ABCC1: variants seen among roughly 807,000 people sequenced by gnomAD.
The protein encoded by ABCC1 is multidrug resistance-associated protein 1.
In ABCC1, 83 loss-of-function variants were observed where a neutral mutation model predicts 172.9. That is an observed-to-expected ratio of 0.48 (90% CI 0.40 to 0.58). The LOEUF (loss-of-function observed/expected upper bound fraction) is 0.58, where lower values mean the gene tolerates loss of function less well. ABCC1 is among the 20% of genes least tolerant of loss of function. ABCC1 has a pLI of 0.00. For missense variants in ABCC1, 1,817 were observed against 2,002.7 expected, an observed-to-expected ratio of 0.91 and a Z score of 1.77; for synonymous variants, 937 against 825.2, an observed-to-expected ratio of 1.14 and a Z score of -2.32.
intron 1 of ABCC1, among the ~76,000 whole-genome samples, chr16:15,978,945 G>A (rs1366773009): frequency 6.6e-6 from 1 of 152,028 alleles, no homozygotes; most frequent in African/African-American, 2.4e-5. Context: ...AGAAACCCTG[G>A]GCTTATTAAG....
At chr16:16,125,030 G>A (rs1391572339) in intron 25 of ABCC1, 115 bp downstream of exon 25, 18 of 1,463,248 alleles carry the variant, frequency 1.2e-5, no homozygotes, top group Non-Finnish European at 1.5e-5. Context: ...TGAGAGGTAC[G>A]GAGTTTGAGG....
chr16:15,952,716 TAAAAAAAAAAAAA>T (rs57105111), intron 1 of ABCC1, among the ~76,000 whole-genome samples: 2 of 40,288 alleles, frequency 5.0e-5, no homozygotes. Context: ...GTGAGTTCAT[TAAAAAAAAAAAAA>T]AAAAAAAAAA....
At chr16:16,032,197 G>T (rs1220037933) in intron 5 of ABCC1, among the ~76,000 whole-genome samples, 1 of 152,090 alleles carries the variant, frequency 6.6e-6, no homozygotes, top group Non-Finnish European at 1.5e-5. Context: ...CACCATGTTG[G>T]CTAGGATGGT....
intron 11 of ABCC1, 62 bp downstream of exon 11, chr16:16,052,878 A>C: frequency 6.6e-7 from 1 of 1,516,660 alleles, no homozygotes; most frequent in Non-Finnish European, 9.1e-7. Context: ...CTCCATGAGG[A>C]TTTTAGTCCA....
chr16:16,014,349 G>A, intron 3 of ABCC1, 142 bp from the exon 4 acceptor site: 1 of 939,372 alleles, frequency 1.1e-6, no homozygotes, highest in Non-Finnish European at 1.5e-6. Flanking sequence ...GGGAAGCTGA[G>A]GCAGGAGAAT....
intron 29 of ABCC1, 97 bp from the exon 30 acceptor site, chr16:16,138,267 A>T: frequency 2.6e-6 from 3 of 1,174,026 alleles, no homozygotes; most frequent in South Asian, 3.1e-5. Flanking sequence ...CAAGCAACAT[A>T]GAGTGTCTCC....
chr16:16,053,175 G>A (rs1424559716), intron 11 of ABCC1, among the ~76,000 whole-genome samples: 1 of 152,166 alleles, frequency 6.6e-6, no homozygotes, highest in Non-Finnish European at 1.5e-5. Flanking sequence ...TGTTTATTAT[G>A]TGTATGTGTG....
intron 20 of ABCC1, among the ~76,000 whole-genome samples, chr16:16,105,962 T>C (rs1254226509): frequency 6.6e-6 from 1 of 151,516 alleles, no homozygotes; most frequent in Admixed American, 6.6e-5. Flanking sequence ...CTGCAATTTC[T>C]GCCTCTGGGA....
chr16:16,113,173 T>TCCCTC (rs2044696348), intron 22 of ABCC1, among the ~76,000 whole-genome samples: 2 of 151,936 alleles, frequency 1.3e-5, no homozygotes, highest in Non-Finnish European at 2.9e-5. Flanking sequence ...AGTCTCTCAA[T>TCCCTC]CCCTCCCCTC....
intron 1 of ABCC1, among the ~76,000 whole-genome samples, chr16:15,950,338 T>G (rs1489522786): frequency 6.6e-6 from 1 of 151,770 alleles, no homozygotes; most frequent in East Asian, 1.9e-4. Flanking sequence ...CCTAGCTTTG[T>G]TTTTTTTGTT....
At chr16:15,983,390 A>G (rs959231786) in intron 1 of ABCC1, among the ~76,000 whole-genome samples, 1 of 152,030 alleles carries the variant, frequency 6.6e-6, no homozygotes, top group Non-Finnish European at 1.5e-5. Context: ...GCGCAGTGTG[A>G]AGGGACTGGG....
chr16:15,980,673 A>G (rs980306197), intron 1 of ABCC1, among the ~76,000 whole-genome samples: 3 of 152,166 alleles, frequency 2.0e-5, no homozygotes, highest in Admixed American at 6.5e-5. Context: ...AATTCAAGAT[A>G]AGATTTGGGT....
At chr16:16,110,476 G>A (rs1342295627) in intron 21 of ABCC1, among the ~76,000 whole-genome samples, 1 of 151,716 alleles carries the variant, frequency 6.6e-6, no homozygotes, top group Admixed American at 6.6e-5. Context: ...TGTAACCTCC[G>A]CCTACTGGGT....
At chr16:16,011,155 C>T (rs1240331877) in intron 3 of ABCC1, among the ~76,000 whole-genome samples, 2 of 152,062 alleles carry the variant, frequency 1.3e-5, no homozygotes, top group Non-Finnish European at 2.9e-5. Context: ...ATTGCTTGAA[C>T]CCGGGAAGTG....
intron 5 of ABCC1, among the ~76,000 whole-genome samples, chr16:16,028,871 C>G (rs2048465529): frequency 6.6e-6 from 1 of 152,126 alleles, no homozygotes. Context: ...GAACCCAGGT[C>G]TGTCCGGGTC....
intron 16 of ABCC1, among the ~76,000 whole-genome samples, chr16:16,080,749 A>G (rs537944872): frequency 6.6e-6 from 1 of 152,350 alleles, no homozygotes; most frequent in South Asian, 2.1e-4. Context: ...GAAAAAATCT[A>G]TTAACTGTTT....
In ABCC1 at chr16:16,115,067, C is replaced by G. The variant is rs1277349959; in HGVS notation, c.3381C>G (p.Phe1127Leu). ...IIIPPLGLIY[F>L]FVQRFYVASS... The stretch of plus-strand genomic sequence containing the variant: ...TCCCGCCCCTTGGCCTCATCTACTT[C>G]TTCGTCCAGGTAAGGGGTGAGGTCT... Residue 1127 changes from phenylalanine to leucine, a missense_variant, in exon 23 of 31, where the codon TTC becomes TTG. Phe to Leu is a conservative substitution (Grantham distance 22). Around this residue, in one of 3 missense-constraint regions of ABCC1, gnomAD observed 1,412 missense variants for 1,600.3 expected, o/e 0.88. Coordinates refer to ENST00000399410, the MANE Select transcript of ABCC1 (RefSeq NM_004996.4). The G allele has an allele frequency of 6.2e-7, 1 of 1,613,722 alleles. No homozygotes were observed. Among genetic ancestry groups the G allele is most frequent in the Non-Finnish European group, 8.5e-7 (1 of 1,179,610 alleles).
rs57834596 is a variant in ABCC1, at chr16:16,003,341, G to A, written c.49-4475G>A. Among the ~76,000 whole-genome samples, 28 of 30,888 alleles carry A rather than the reference G, an allele frequency of 9.1e-4. 1 individual carries two copies. The highest frequency in any genetic ancestry group is 2.3e-3 in the African/African-American group (15 of 6,484). The allele number at this position is 30,888 out of a possible 152,430, so 20.3% of individuals were successfully genotyped here. On this transcript the variant is annotated intron_variant, in intron 1 of 30. Transcript: ENST00000399410. ...GGTGGGTAGGGTGGATGGATGAATT[G>A]GTGGATGGGTAGGTGGATGGATGAA...
chr16:16,079,030 C>G (rs533583753), intron 15 of ABCC1, among the ~76,000 whole-genome samples: 120 of 152,224 alleles, frequency 7.9e-4, no homozygotes, highest in African/African-American at 2.7e-3. Flanking sequence ...GCGTCATGCC[C>G]CCAGTAAAGT....
Sources: allele counts gnomAD v4.1 joint callset (sites outside exome capture counted in the v4.1 genomes callset), GRCh38; gene constraint gnomAD v4.1.1; regional missense constraint gnomAD v4.1.1; transcripts MANE v1.5; gene names NCBI Gene and HGNC (gene_info 2026-07-23, HGNC 2026-07-21).